Variants in KIT observed in about 807,000 individuals in gnomAD.
KIT encodes KIT proto-oncogene, receptor tyrosine kinase, also known as mast/stem cell growth factor receptor Kit.
A neutral mutation model predicts 105.7 loss-of-function variants in KIT; 16 were observed. That is an observed-to-expected ratio of 0.15 (90% CI 0.10 to 0.23). KIT has a LOEUF of 0.23. Among genes scored for constraint, KIT ranks in the 10% least tolerant of loss-of-function variants. KIT has a pLI of 1.00. For synonymous variants in KIT, 438 were observed against 441.1 expected (o/e 0.99, Z 0.09); for missense variants, 858 against 1,213.8 (o/e 0.71, Z 4.36).
At chr4:54,685,141 G>A (rs1719220195) in intron 1 of KIT, among the ~76,000 whole-genome samples, 1 of 152,096 alleles carries the variant, frequency 6.6e-6, no homozygotes, top group Non-Finnish European at 1.5e-5. Flanking sequence ...CAGCCACCCT[G>A]GGCCTTGTCA....
Position 54,736,838 on chromosome 4 carries a change from T to C in KIT, c.2696+18T>C. 1.2e-6 allele frequency: 2 copies of C among 1,605,322 alleles called. No individual in the cohort carries two copies. Among genetic ancestry groups the C allele is most frequent in the Non-Finnish European group, 1.7e-6 (2 of 1,172,114 alleles). Reference sequence around the variant, plus strand: ...GCTGAAATGTAAGAGCCAAAAAATTTTTCCTTTAGGTCACGTTTTCCCTTT... The same window carrying C: ...GCTGAAATGTAAGAGCCAAAAAATTCTTCCTTTAGGTCACGTTTTCCCTTT... On this transcript the variant is annotated intron_variant, in intron 19 of 20. Transcript: ENST00000288135.
At chr4:54,701,199 C>A (rs1345401929) in intron 4 of KIT, among the ~76,000 whole-genome samples, 1 of 152,210 alleles carries the variant, frequency 6.6e-6, no homozygotes, top group Non-Finnish European at 1.5e-5. Context: ...GTGTTAGGAG[C>A]TCTTTGGGGA....
At chr4:54,672,936 A>T (rs1393082934) in intron 1 of KIT, among the ~76,000 whole-genome samples, 2 of 152,240 alleles carry the variant, frequency 1.3e-5, no homozygotes, top group African/African-American at 2.4e-5. Flanking sequence ...TTGCTGGCCC[A>T]TCTTATCTTT....
At chr4:54,684,139 T>G (rs1332289332) in intron 1 of KIT, among the ~76,000 whole-genome samples, 1 of 144,240 alleles carries the variant, frequency 6.9e-6, no homozygotes, top group Non-Finnish European at 1.5e-5. Flanking sequence ...CACAGGTGAA[T>G]CCACCCAGGT....
At chr4:54,665,551 G>A (rs1208130406) in intron 1 of KIT, among the ~76,000 whole-genome samples, 2 of 152,100 alleles carry the variant, frequency 1.3e-5, no homozygotes, top group Non-Finnish European at 2.9e-5. Context: ...CTCATTCGGC[G>A]TATTTATGGG....
At chr4:54,698,225 G>T in intron 2 of KIT, 59 bp from the exon 3 acceptor site, 1 of 1,517,020 alleles carries the variant, frequency 6.6e-7, no homozygotes, top group Non-Finnish European at 9.1e-7. Context: ...CTTTTAAAAA[G>T]TGTTTTCAGT....
intron 14 of KIT, among the ~76,000 whole-genome samples, chr4:54,730,955 C>G (rs1722550266): frequency 6.6e-6 from 1 of 152,054 alleles, no homozygotes; most frequent in African/African-American, 2.4e-5. Context: ...GGAAGCTCTT[C>G]TTTGTCTTTC....
Position 54,733,201 on chromosome 4 carries a change from C to G in KIT, c.2484+9C>G, listed in dbSNP as rs2109802167. 6.2e-7 allele frequency: 1 copy of G among 1,611,450 alleles called. No homozygotes were observed. The highest frequency in any genetic ancestry group is 2.2e-5 in the East Asian group (1 of 44,774). ...ATGTGGTTAAAGGAAACGTGAGTACCCATTCTCTGCTTGACAGTCCTGCAA... is the reference window on the plus strand; with the variant it reads ...ATGTGGTTAAAGGAAACGTGAGTACGCATTCTCTGCTTGACAGTCCTGCAA... On this transcript the variant is annotated intron_variant, in intron 17 of 20. Coordinates refer to ENST00000288135, the MANE Select transcript of KIT (RefSeq NM_000222.3).
intron 1 of KIT, among the ~76,000 whole-genome samples, chr4:54,661,650 A>T (rs1243319926): frequency 1.3e-5 from 2 of 152,152 alleles, no homozygotes; most frequent in Non-Finnish European, 2.9e-5. Context: ...AAAAGTTGAG[A>T]TTGAATGACA....
chr4:54,735,554 C>G (rs1466039938), intron 17 of KIT, among the ~76,000 whole-genome samples: 1 of 152,116 alleles, frequency 6.6e-6, no homozygotes, highest in Non-Finnish European at 1.5e-5. Context: ...GGATCACAAG[C>G]CACTACTGTT....
Position 54,707,177 on chromosome 4 carries a change from T to G in KIT, c.1005T>G (p.Val335=). The change falls in exon 6 of 21, where the codon GTT becomes GTG. Residue 335 remains valine (V), a synonymous_variant. Coordinates refer to ENST00000288135, the MANE Select transcript of KIT (RefSeq NM_000222.3). ...ATGGAGAAAATGTAGATTTGATTGT[T>G]GAATATGAAGCATTCCCCAAACCTG... The part of the protein sequence containing the change: ...VNDGENVDLI[V]EYEAFPKPEH... 1.9e-6 allele frequency: 3 copies of G among 1,596,638 alleles called. No homozygotes were observed. The highest frequency in any genetic ancestry group is 2.6e-6 in the Non-Finnish European group (3 of 1,164,100).
chr4:54,727,247 C>A lies in KIT; in HGVS notation c.1570C>A (p.Pro524Thr), dbSNP rs2109773896. The change falls in exon 10 of 21, where the codon CCT becomes ACT. Residue 524 changes from proline to threonine, a missense_variant. Transcript: ENST00000288135. ...AATCCATCCCCACACCCTGTTCACT[C>A]CTTTGCTGATTGGTTTCGTAATCGT... ...EQIHPHTLFTPLLIGFVIVAG... is the reference protein window; with the variant it reads ...EQIHPHTLFTTLLIGFVIVAG... The A allele has an allele frequency of 6.2e-7, 1 of 1,614,104 alleles. No individual in the cohort carries two copies. Among genetic ancestry groups the A allele is most frequent in the East Asian group, 2.2e-5 (1 of 44,870 alleles).
intron 11 of KIT, 75 bp downstream of exon 11, chr4:54,727,617 C>T (rs1276204906): frequency 6.3e-7 from 1 of 1,577,058 alleles, no homozygotes; most frequent in Non-Finnish European, 8.7e-7. Context: ...ACTCCAGTGG[C>T]TTCCTTTGTT....
intron 2 of KIT, 25 bp from the exon 3 acceptor site, chr4:54,698,259 A>G (rs376630883): frequency 1.9e-6 from 3 of 1,608,098 alleles, no homozygotes; most frequent in Non-Finnish European, 2.6e-6. Flanking sequence ...CATTCCAACT[A>G]CTGATTTTGG....
intron 7 of KIT, among the ~76,000 whole-genome samples, chr4:54,713,509 G>T (rs1721285922): frequency 6.6e-6 from 1 of 152,128 alleles, no homozygotes; most frequent in South Asian, 2.1e-4. Context: ...GGACAAAAGG[G>T]ATTGTGTTCT....
rs17084736 is a variant in KIT at position 54,740,081 on chromosome 4, A to G, written c.*1524A>G. On this transcript the variant is annotated 3_prime_UTR_variant, in exon 21 of 21. Transcript: ENST00000288135. ...CCTCACTGCCCAATATAAAAGGCAA[A>G]TGTGTACATGGCAGAGTTTGTGTGT... is the stretch of plus-strand genomic sequence containing the variant. 5.6e-3 allele frequency: 1,316 copies of G among 233,680 alleles called. 21 individuals are homozygous for G. Among genetic ancestry groups the G allele is most frequent in the African/African-American group, 0.026 (1,191 of 45,468 alleles). 14.5% of individuals were successfully genotyped at this position (233,680 alleles called of 1,614,324 possible).
intron 1 of KIT, among the ~76,000 whole-genome samples, chr4:54,667,073 C>G (rs1717754953): frequency 6.6e-6 from 1 of 152,102 alleles, no homozygotes; most frequent in African/African-American, 2.4e-5. Context: ...CCCTAAGAAT[C>G]GCTGTGCTAT....
chr4:54,707,048 C>T (rs1720832633), intron 5 of KIT, 50 bp from the exon 6 acceptor site: 2 of 1,046,234 alleles, frequency 1.9e-6, no homozygotes, highest in Non-Finnish European at 2.9e-6. Context: ...GTTTTTTTGT[C>T]CAGTAGTTGT....
At position 54,662,510 on chromosome 4, in the gene KIT, T is replaced by C. The variant is rs141666670; in HGVS notation, c.67+4429T>C. Reference sequence around the variant, plus strand: ...TCGTCTGTAAAACAGGAATTATTATTGTCCCTAAAATGGGAATAATGCCTA... The same window carrying C: ...TCGTCTGTAAAACAGGAATTATTATCGTCCCTAAAATGGGAATAATGCCTA... On this transcript the variant is annotated intron_variant, in intron 1 of 20. Transcript: ENST00000288135. Among the ~76,000 whole-genome samples, 555 of 152,324 alleles carry C rather than the reference T, an allele frequency of 3.6e-3. 1 individual carries two copies. The highest frequency in any genetic ancestry group is 5.6e-3 in the Non-Finnish European group (378 of 68,026).
Sources: gnomAD v4.1 joint callset for allele counts (sites outside exome capture counted in the v4.1 genomes callset) on GRCh38, gnomAD v4.1.1 for gene constraint, MANE v1.5 for transcripts, NCBI Gene and HGNC (gene_info 2026-07-23, HGNC 2026-07-21) for gene names.